Variants in AGBL1 observed in about 807,000 individuals in gnomAD.
The protein encoded by AGBL1 is AGBL carboxypeptidase 1, also known as cytosolic carboxypeptidase 4.
A neutral mutation model predicts 118.9 loss-of-function variants in AGBL1; 130 were observed. That is an observed-to-expected ratio of 1.09 (90% CI 0.95 to 1.26). The LOEUF (loss-of-function observed/expected upper bound fraction) is 1.26, where lower values mean the gene tolerates loss of function less well. AGBL1 is among the 50% of genes most tolerant of loss of function. The pLI is 0.00. For missense variants in AGBL1, 1,584 were observed against 1,298.1 expected (o/e 1.22, Z -3.38); for synonymous variants, 555 against 478.9 (o/e 1.16, Z -2.08).
chr15:86,368,123 G>A (rs1238594185), intron 17 of AGBL1, among the ~76,000 whole-genome samples: 3 of 152,066 alleles, frequency 2.0e-5, no homozygotes. Flanking sequence ...GACCTACAAA[G>A]TCAGGAGGAT....
At chr15:86,366,331 G>A (rs1180082814) in intron 17 of AGBL1, among the ~76,000 whole-genome samples, 1 of 152,132 alleles carries the variant, frequency 6.6e-6, no homozygotes, top group Non-Finnish European at 1.5e-5. Flanking sequence ...CCCTTAAAGA[G>A]CTTCCTTTGA....
intron 21 of AGBL1, among the ~76,000 whole-genome samples, chr15:86,673,020 T>C (rs2085773931): frequency 6.6e-6 from 1 of 152,204 alleles, no homozygotes; most frequent in Admixed American, 6.5e-5. Flanking sequence ...TGCATTCTTA[T>C]TGTCCCATTC....
Position 86,431,665 on chromosome 15 carries a change from A to G in AGBL1, c.2555+34119A>G, listed in dbSNP as rs138173320. 4.6e-3 allele frequency among the ~76,000 whole-genome samples: 695 copies of G among 152,328 alleles called. 2 individuals carry two copies. The highest frequency in any genetic ancestry group is 6.9e-3 in the Non-Finnish European group (470 of 68,030). ...CCTGAGTTATTATGCAATGTCTGGT[A>G]AGCCAAAGGATTCCACACGCATTTC... is the stretch of plus-strand genomic sequence containing the variant. On this transcript the variant is annotated intron_variant, in intron 18 of 22. Transcript: ENST00000614907.
intron 16 of AGBL1, among the ~76,000 whole-genome samples, chr15:86,294,266 G>A (rs911231104): frequency 1.3e-5 from 2 of 151,854 alleles, no homozygotes; most frequent in African/African-American, 4.8e-5. Flanking sequence ...GGGTGTGGTC[G>A]TGGGTGCCTG....
chr15:86,266,879 AAC>A (rs1380305543), intron 12 of AGBL1, 109 bp from the exon 13 acceptor site: 1 of 962,466 alleles, frequency 1.0e-6, no homozygotes, highest in African/African-American at 1.6e-5. Context: ...CAGCCTGGGC[AAC>A]AGAGTGAGAT....
intron 22 of AGBL1, among the ~76,000 whole-genome samples, chr15:86,696,294 A>G (rs2086257818): frequency 6.6e-6 from 1 of 151,732 alleles, no homozygotes; most frequent in Non-Finnish European, 1.5e-5. Flanking sequence ...TAGGATTGTG[A>G]TATTTTCCTG....
chr15:86,343,222 T>C (rs2080488103), intron 17 of AGBL1, among the ~76,000 whole-genome samples: 1 of 152,202 alleles, frequency 6.6e-6, no homozygotes, highest in South Asian at 2.1e-4. Context: ...TTGATTGGGT[T>C]TGGCCAATGG....
chr15:86,134,262 G>T (rs960270206), intron 1 of AGBL1, among the ~76,000 whole-genome samples: 1 of 152,208 alleles, frequency 6.6e-6, no homozygotes, highest in African/African-American at 2.4e-5. Flanking sequence ...CATCTCTAGT[G>T]AGTGTTCAAA....
At chr15:86,739,955 T>C (rs1424327040) in intron 22 of AGBL1, among the ~76,000 whole-genome samples, 1 of 152,220 alleles carries the variant, frequency 6.6e-6, no homozygotes, top group African/African-American at 2.4e-5. Context: ...GCTAGTTCGA[T>C]AACACTCTTA....
At position 86,514,911 on chromosome 15, in the gene AGBL1, T is replaced by C. The variant is rs537500107; in HGVS notation, c.2556-7899T>C. On this transcript the variant is annotated intron_variant, in intron 18 of 22. Coordinates refer to ENST00000614907, the MANE Select transcript of AGBL1 (RefSeq NM_001386094.1). ...AGTTATATTTCATTCAACTTTATCA[T>C]TTAACTCCACATCCTAAAAATTACC... Among the ~76,000 whole-genome samples, 13 of 152,342 alleles carry C rather than the reference T, an allele frequency of 8.5e-5. No individual in the cohort carries two copies. The South Asian group carries it at 2.3e-3, about 27-fold the overall frequency.
chr15:86,363,929 G>C (rs1162038170), intron 17 of AGBL1, among the ~76,000 whole-genome samples: 6 of 152,098 alleles, frequency 3.9e-5, no homozygotes, highest in Non-Finnish European at 8.8e-5. Context: ...AATCAGAGTT[G>C]ATTCTTTCTC....
At chr15:86,346,923 G>A (rs2080546708) in intron 17 of AGBL1, among the ~76,000 whole-genome samples, 1 of 152,084 alleles carries the variant, frequency 6.6e-6, no homozygotes. Flanking sequence ...ATCTGTTGTA[G>A]GTCAACTTGG....
chr15:86,447,103 T>C (rs926830211), intron 18 of AGBL1, among the ~76,000 whole-genome samples: 1 of 152,206 alleles, frequency 6.6e-6, no homozygotes, highest in Non-Finnish European at 1.5e-5. Flanking sequence ...ATCAATGTAG[T>C]GAAGTTATTG....
chr15:86,139,788 G>A (rs1404922039), intron 1 of AGBL1: 2 of 153,664 alleles, frequency 1.3e-5, no homozygotes, highest in Non-Finnish European at 2.9e-5. Flanking sequence ...AAAAACCAGG[G>A]CATTCCTTAG....
intron 19 of AGBL1, among the ~76,000 whole-genome samples, chr15:86,538,582 T>A (rs2083455371): frequency 6.6e-6 from 1 of 152,250 alleles, no homozygotes; most frequent in African/African-American, 2.4e-5. Context: ...GGGCTTTAGT[T>A]AGCCTCAGTT....
At chr15:86,375,456 G>A (rs193278067) in intron 17 of AGBL1, among the ~76,000 whole-genome samples, 311 of 152,184 alleles carry the variant, frequency 2.0e-3, no homozygotes, top group Middle Eastern at 0.017. Flanking sequence ...CTCCCTCAAC[G>A]CATGGGGATC....
At chr15:86,236,672 T>C (rs1321198867) in intron 6 of AGBL1, among the ~76,000 whole-genome samples, 1 of 151,294 alleles carries the variant, frequency 6.6e-6, no homozygotes, top group African/African-American at 2.4e-5. Flanking sequence ...GAGAGTTTAA[T>C]AGTAAAGAAA....
At chr15:86,666,104 A>G (rs1340526979) in intron 21 of AGBL1, among the ~76,000 whole-genome samples, 2 of 152,140 alleles carry the variant, frequency 1.3e-5, no homozygotes, top group East Asian at 1.9e-4. Context: ...GAAAATCCCC[A>G]GTGGTGTTCT....
chr15:86,205,869 G>T (rs569740098), intron 5 of AGBL1, among the ~76,000 whole-genome samples: 1 of 152,026 alleles, frequency 6.6e-6, no homozygotes, highest in African/African-American at 2.4e-5. Flanking sequence ...AGGGTACATG[G>T]GCACAACGTG....
Sources: allele counts gnomAD v4.1 joint callset (sites outside exome capture counted in the v4.1 genomes callset), GRCh38; gene constraint gnomAD v4.1.1; transcripts MANE v1.5; gene names NCBI Gene and HGNC (gene_info 2026-07-23, HGNC 2026-07-21).